Variants in AOX1 observed in about 807,000 individuals in gnomAD.
AOX1 encodes the protein aldehyde oxidase 1, also known as aldehyde oxidase.
AOX1 carries 153 observed loss-of-function variants against 169.5 expected under a neutral mutation model. The ratio of observed to expected loss-of-function variants is 0.90; its 90% CI spans 0.79 to 1.03. The LOEUF is 1.03. AOX1 is among the 50% of genes least tolerant of loss of function. The pLI, the probability that AOX1 is intolerant of heterozygous loss-of-function variation, is 0.00. For missense variants in AOX1, 1,656 were observed against 1,663.9 expected (o/e 1.00, Z 0.08); for synonymous variants, 562 against 581.9 (o/e 0.97, Z 0.49).
intron 26 of AOX1, among the ~76,000 whole-genome samples, chr2:200,656,223 A>G (rs1392449607): frequency 6.6e-6 from 1 of 152,212 alleles, no homozygotes; most frequent in African/African-American, 2.4e-5. Flanking sequence ...GGAAGAAGCC[A>G]TCCTTCTTTC....
intron 32 of AOX1, among the ~76,000 whole-genome samples, chr2:200,667,197 AT>A (rs1469034841): frequency 6.6e-6 from 1 of 152,182 alleles, no homozygotes; most frequent in East Asian, 1.9e-4. Context: ...ACATTTTCAA[AT>A]TTAAATTTGA....
chr2:200,631,912 T>C (rs1231779254), intron 20 of AOX1, among the ~76,000 whole-genome samples: 1 of 152,210 alleles, frequency 6.6e-6, no homozygotes, highest in Non-Finnish European at 1.5e-5. Context: ...TCTGAGCTTG[T>C]GAAATTTTAA....
intron 19 of AOX1, among the ~76,000 whole-genome samples, chr2:200,624,841 G>A (rs1191090140): frequency 6.6e-6 from 1 of 152,184 alleles, no homozygotes; most frequent in Non-Finnish European, 1.5e-5. Flanking sequence ...GGGAGGCAGT[G>A]TAAATAGATG....
At chr2:200,621,676 T>TTCTCTCTCTCTC (rs71405337) in intron 18 of AOX1, among the ~76,000 whole-genome samples, 39 of 149,246 alleles carry the variant, frequency 2.6e-4, no homozygotes, top group East Asian at 1.2e-3. Context: ...AGTTCATTCA[T>TTCTCTCTCTCTC]TCTCTCTCTC....
chr2:200,587,859 C>T (rs1453622800), intron 1 of AOX1, among the ~76,000 whole-genome samples: 3 of 152,282 alleles, frequency 2.0e-5, no homozygotes, highest in African/African-American at 7.2e-5. Context: ...CCCAGTTTCT[C>T]TGTTAAAAGG....
intron 20 of AOX1, among the ~76,000 whole-genome samples, chr2:200,631,388 A>G (rs2254576): frequency 0.59 from 90,373 of 152,128 alleles, 27,625 homozygotes; most frequent in East Asian, 0.78. Flanking sequence ...AATCTGTATA[A>G]AAGGATTTGC....
At position 200,669,591 on chromosome 2, in the gene AOX1, G is replaced by A. The variant is rs1211602165; in HGVS notation, c.3815G>A (p.Gly1272Glu). The A allele has an allele frequency of 6.2e-7, 1 of 1,613,988 alleles. No homozygotes were observed. Among genetic ancestry groups the A allele is most frequent in the South Asian group, 1.1e-5 (1 of 91,068 alleles). The change falls in exon 34 of 35, where the codon GGG (glycine) becomes GAG (glutamate). Residue 1272 changes from glycine to glutamate, a missense_variant. Transcript: ENST00000374700. ...CCTTTCAAGGGTCTGGGAGAGTCGG[G>A]GGTGTTCCTGGGGTGTTCCGTGTTT... ...LYSSKGLGESGVFLGCSVFFA... is the reference protein window; with the variant it reads ...LYSSKGLGESEVFLGCSVFFA...
At chr2:200,606,719 TA>T (rs1303256181) in intron 10 of AOX1, among the ~76,000 whole-genome samples, 1 of 152,220 alleles carries the variant, frequency 6.6e-6, no homozygotes, top group Non-Finnish European at 1.5e-5. Flanking sequence ...ATTGTATTCC[TA>T]GGTATTTTCT....
intron 25 of AOX1, among the ~76,000 whole-genome samples, chr2:200,646,164 G>A (rs2035449059): frequency 6.6e-6 from 1 of 152,066 alleles, no homozygotes; most frequent in African/African-American, 2.4e-5. Flanking sequence ...ATGTCAGTCT[G>A]TGCACTGTCA....
intron 8 of AOX1, among the ~76,000 whole-genome samples, chr2:200,604,454 G>T (rs1440861878): frequency 6.6e-6 from 1 of 152,200 alleles, no homozygotes; most frequent in African/African-American, 2.4e-5. Flanking sequence ...ACATTAAAAT[G>T]ATGTTCTTTG....
At chr2:200,608,874 A>G in intron 10 of AOX1, 110 bp from the exon 11 acceptor site, 1 of 910,880 alleles carries the variant, frequency 1.1e-6, no homozygotes, top group Non-Finnish European at 1.7e-6. Flanking sequence ...ACCAATAAGC[A>G]GGGCAGCATG....
At chr2:200,665,828 C>T (rs2035915407) in intron 31 of AOX1, among the ~76,000 whole-genome samples, 6 of 152,256 alleles carry the variant, frequency 3.9e-5, no homozygotes, top group Admixed American at 3.9e-4. Flanking sequence ...TCCTGGAAGG[C>T]CAGTCTTGCT....
At chr2:200,624,012 A>T in intron 19 of AOX1, 29 bp downstream of exon 19, 1 of 1,610,626 alleles carries the variant, frequency 6.2e-7, no homozygotes, top group Non-Finnish European at 8.5e-7. Context: ...TGGTGGTGCC[A>T]GTTGGGAGCC....
chr2:200,608,350 T>C (rs190274479), intron 10 of AOX1, among the ~76,000 whole-genome samples: 131 of 152,316 alleles, frequency 8.6e-4, no homozygotes, highest in African/African-American at 3.0e-3. Context: ...AAGATAAAGA[T>C]GAATATAACA....
chr2:200,593,159 A>G lies in AOX1; in HGVS notation c.59A>G (p.Asn20Ser). The change falls in exon 2 of 35, where the codon AAT becomes AGT. Residue 20 changes from asparagine to serine, a missense_variant. Coordinates refer to ENST00000374700, the MANE Select transcript of AOX1 (RefSeq NM_001159.4). ...YVNGRKVIEK[N>S]VDPETMLLPY... is the part of the protein sequence containing the mutation. Reference sequence around the variant, plus strand: ...CCTTTGGTATAGGTGATAGAAAAAAATGTCGATCCTGAAACAATGCTGTTG... The same window carrying G: ...CCTTTGGTATAGGTGATAGAAAAAAGTGTCGATCCTGAAACAATGCTGTTG... 1 of 1,613,622 alleles carries G rather than the reference A, an allele frequency of 6.2e-7. No homozygotes were observed. The highest frequency in any genetic ancestry group is 8.5e-7 in the Non-Finnish European group (1 of 1,179,738).
chr2:200,660,451 G>A (rs1463565529), intron 29 of AOX1, among the ~76,000 whole-genome samples: 1 of 152,134 alleles, frequency 6.6e-6, no homozygotes, highest in Non-Finnish European at 1.5e-5. Context: ...GAACCACTCT[G>A]TAAAAGTAAA....
downstream of AOX1, among the ~76,000 whole-genome samples, chr2:200,674,893 G>T (rs2036075000): frequency 6.6e-6 from 1 of 152,210 alleles, no homozygotes; most frequent in African/African-American, 2.4e-5. Flanking sequence ...TTTCCTGCCT[G>T]CAAGATCTTA....
At position 200,650,977 on chromosome 2, in the gene AOX1, C is replaced by T. The variant is rs140878478; in HGVS notation, c.2851C>T (p.Arg951Ter). 48 of 1,613,808 alleles carry T rather than the reference C, an allele frequency of 3.0e-5. No individual in the cohort carries two copies. The highest frequency in any genetic ancestry group is 1.6e-4 in the Middle Eastern group (1 of 6,062). Residue 951 changes from arginine (R) to a stop codon, truncating the protein, a stop_gained, in exon 26 of 35, where the codon CGA becomes TGA. Coordinates refer to ENST00000374700, the MANE Select transcript of AOX1 (RefSeq NM_001159.4). LOFTEE classifies it high-confidence loss of function. The stretch of plus-strand genomic sequence containing the variant: ...TTAATCTCCTTTTCTTTCATAGGTG[C>T]GAATCATAAACATGTACAAGGAAAT... ...AKCGLSPEKV[R>*]IINMYKEIDQ...
intron 16 of AOX1, among the ~76,000 whole-genome samples, 163 bp from the exon 17 acceptor site, chr2:200,620,487 G>A (rs1574928431): frequency 6.6e-6 from 1 of 152,212 alleles, no homozygotes; most frequent in Non-Finnish European, 1.5e-5. Flanking sequence ...GGGATTATAG[G>A]CATGAGCCAC....
Sources: allele counts gnomAD v4.1 joint callset (sites outside exome capture counted in the v4.1 genomes callset), GRCh38; gene constraint gnomAD v4.1.1; transcripts MANE v1.5; gene names NCBI Gene and HGNC (gene_info 2026-07-23, HGNC 2026-07-21).